ATXN10: variants seen among roughly 807,000 people sequenced by gnomAD.
The protein encoded by ATXN10 is ataxin-10.
Under a neutral mutation model 52.9 loss-of-function variants are expected in ATXN10, and 28 were observed. The observed-to-expected ratio is 0.53, with a 90% confidence interval of 0.39 to 0.73. ATXN10 has a LOEUF of 0.73. Among genes scored for constraint, ATXN10 ranks in the 30% least tolerant of loss-of-function variants. ATXN10 has a pLI of 0.00. For missense variants in ATXN10, 565 were observed against 577.0 expected (o/e 0.98, Z 0.21); for synonymous variants, 226 against 221.5 (o/e 1.02, Z -0.18).
chr22:45,765,995 A>G (rs138204), intron 9 of ATXN10, among the ~76,000 whole-genome samples: 98,509 of 152,116 alleles, frequency 0.65, 32,091 homozygotes, highest in East Asian at 0.75. Context: ...TCCACTGTTC[A>G]AAACAACCTG....
At chr22:45,773,195 A>G (rs967182723) in intron 9 of ATXN10, among the ~76,000 whole-genome samples, 1 of 152,212 alleles carries the variant, frequency 6.6e-6, no homozygotes, top group Non-Finnish European at 1.5e-5. Context: ...CTTGTGTCGT[A>G]TGGGCTTGCT....
chr22:45,735,599 T>C (rs756517440), intron 7 of ATXN10, among the ~76,000 whole-genome samples: 3 of 152,102 alleles, frequency 2.0e-5, no homozygotes, highest in Non-Finnish European at 4.4e-5. Context: ...ATCAACAAAG[T>C]AGTTGCAGTC....
intron 3 of ATXN10, among the ~76,000 whole-genome samples, chr22:45,698,101 G>A (rs1192139854): frequency 3.3e-5 from 5 of 152,172 alleles, no homozygotes. Flanking sequence ...GAGTCATGCT[G>A]TTGTGAACAT....
Position 45,828,719 on chromosome 22 carries a change from A to G in ATXN10, c.1238-14272A>G, listed in dbSNP as rs1256337301. On this transcript the variant is annotated intron_variant, in intron 10 of 11. Transcript: ENST00000252934. The surrounding 1 kb of genome is among the most constrained non-coding windows in gnomAD (Gnocchi z 4.5). ...GATAGACCTAGTTATAGTAAGTACT[A>G]TAGTAAGTACTATAAGTTACTAGTT... Among the ~76,000 whole-genome samples the G allele has an allele frequency of 2.0e-5, 3 of 152,362 alleles. No homozygotes were observed. The highest frequency in any genetic ancestry group is 7.2e-5 in the African/African-American group (3 of 41,592).
intron 6 of ATXN10, among the ~76,000 whole-genome samples, chr22:45,726,679 T>C (rs992756744): frequency 6.6e-6 from 1 of 152,218 alleles, no homozygotes; most frequent in African/African-American, 2.4e-5. Context: ...TTTCTTTTGC[T>C]AGCTTTGGGT....
chr22:45,825,049 C>T lies in ATXN10; in HGVS notation c.1238-17942C>T, dbSNP rs140450531. 1.3e-5 allele frequency among the ~76,000 whole-genome samples: 2 copies of T among 152,342 alleles called. No individual in the cohort carries two copies. The highest frequency in any genetic ancestry group is 2.9e-5 in the Non-Finnish European group (2 of 68,028). ...AGTAGCAGCTATTCCTCCTCCATCC[C>T]CAGTCCTATGGCAGACAGCTGCTGT... On this transcript the variant is annotated intron_variant, in intron 10 of 11. Transcript: ENST00000252934. The surrounding 1 kb of genome is among the most constrained non-coding windows in gnomAD (Gnocchi z 4.5).
chr22:45,817,118 C>T (rs747953283), intron 10 of ATXN10, among the ~76,000 whole-genome samples: 2 of 152,138 alleles, frequency 1.3e-5, no homozygotes, highest in Non-Finnish European at 2.9e-5. Context: ...TTGTTTGATG[C>T]AGTGAATGAC....
intron 7 of ATXN10, among the ~76,000 whole-genome samples, chr22:45,735,812 C>CTTTTTTTTT (rs746222703): frequency 9.0e-4 from 59 of 65,798 alleles, no homozygotes; most frequent in East Asian, 4.0e-3. Context: ...ATTTGCTTGT[C>CTTTTTTTTT]TTTTTTTTTT....
chr22:45,749,494 C>A (rs1715099376), intron 9 of ATXN10, among the ~76,000 whole-genome samples: 1 of 152,202 alleles, frequency 6.6e-6, no homozygotes, highest in Non-Finnish European at 1.5e-5. Flanking sequence ...ACAATTCTTA[C>A]TGAACTTTTT....
rs1380095234 is a variant in ATXN10 at position 45,672,189 on chromosome 22, C to T, written c.116+10C>T. ...AAGAGCAGCGGAACCGGTAACGGGT[C>T]CGGCCGGGGGGCTGCCCCGGGCAGG... is the stretch of plus-strand genomic sequence containing the variant. On this transcript the variant is annotated intron_variant, in intron 1 of 11. Transcript: ENST00000252934. 2 of 1,527,740 alleles carry T rather than the reference C, an allele frequency of 1.3e-6. No individual in the cohort carries two copies. The highest frequency in any genetic ancestry group is 8.8e-7 in the Non-Finnish European group (1 of 1,140,084). The allele number at this position is 1,527,740 out of a possible 1,614,324, so 94.6% of individuals were successfully genotyped here. A position where few individuals can be genotyped will look rare whatever the true frequency, so the allele number is the denominator to read the frequency against.
At chr22:45,707,205 C>T (rs1924077074) in intron 5 of ATXN10, among the ~76,000 whole-genome samples, 1 of 152,004 alleles carries the variant, frequency 6.6e-6, no homozygotes, top group African/African-American at 2.4e-5. Context: ...GTGATTAGGC[C>T]ACAGATTTTC....
In ATXN10 at chr22:45,833,336, G is replaced by T. The variant is rs190705977; in HGVS notation, c.1238-9655G>T. Among the ~76,000 whole-genome samples the T allele has an allele frequency of 2.0e-5, 3 of 152,316 alleles. No homozygotes were observed. The highest frequency in any genetic ancestry group is 2.9e-5 in the Non-Finnish European group (2 of 68,020). On this transcript the variant is annotated intron_variant, in intron 10 of 11. Coordinates refer to ENST00000252934, the MANE Select transcript of ATXN10 (RefSeq NM_013236.4). This position sits in a 1 kb window ranked among gnomAD's most constrained non-coding sequence, Gnocchi z 4.3. Reference sequence around the variant, plus strand: ...ATGGCCATGGTAACTAATGCCATTGGAGCAAGTGCTACCAGATGCCCAGAC... The same window carrying T: ...ATGGCCATGGTAACTAATGCCATTGTAGCAAGTGCTACCAGATGCCCAGAC...
intron 10 of ATXN10, among the ~76,000 whole-genome samples, chr22:45,815,412 G>A (rs888045279): frequency 1.6e-4 from 24 of 152,180 alleles, no homozygotes; most frequent in Non-Finnish European, 2.6e-4. Context: ...GGAAGTACAC[G>A]TGAAAGAACT....
chr22:45,672,033 C>A lies in ATXN10; in HGVS notation c.-31C>A. The A allele has an allele frequency of 6.5e-7, 1 of 1,531,500 alleles. No individual in the cohort carries two copies. Among genetic ancestry groups the A allele is most frequent in the African/African-American group, 1.4e-5 (1 of 72,718 alleles). The allele number at this position is 1,531,500 out of a possible 1,614,324, so 94.9% of individuals were successfully genotyped here. On this transcript the variant is annotated 5_prime_UTR_variant, in exon 1 of 12. Transcript: ENST00000252934. ...TCGTCCTCCTCGCCTTCCTCCTCCT[C>A]GTCAGGCTCGACCCAGCTGTGAGCG...
In ATXN10 at chr22:45,816,093, CA is replaced by C. The variant is rs557765207; in HGVS notation, c.1237+9081del. ...GGTGAAACTGTCTCTCCTAAAAATACAAAAAAAAAATTCGCTAGGCGTGGTG... is the reference window on the plus strand; with the variant it reads ...GGTGAAACTGTCTCTCCTAAAAATACAAAAAAAAATTCGCTAGGCGTGGTG... On this transcript the variant is annotated intron_variant, in intron 10 of 11. Coordinates refer to ENST00000252934, the MANE Select transcript of ATXN10 (RefSeq NM_013236.4). The surrounding 1 kb of genome is among the most constrained non-coding windows in gnomAD (Gnocchi z 5.8). 3.4e-5 allele frequency among the ~76,000 whole-genome samples: 5 copies of C among 148,124 alleles called. No individual in the cohort carries two copies. Among genetic ancestry groups the C allele is most frequent in the South Asian group, 2.1e-4 (1 of 4,656 alleles).
chr22:45,772,647 G>A lies in ATXN10; in HGVS notation c.1173+32109G>A, dbSNP rs577822380. The stretch of plus-strand genomic sequence containing the variant: ...TTAAATATACAGCTCTCTTTGGGGG[G>A]AATCAATGTCTTACTGTGTTGAGTC... On this transcript the variant is annotated intron_variant, in intron 9 of 11. Transcript: ENST00000252934. The surrounding 1 kb of genome is among the most constrained non-coding windows in gnomAD (Gnocchi z 4.1). Among the ~76,000 whole-genome samples the A allele has an allele frequency of 6.6e-6, 1 of 152,290 alleles. No homozygotes were observed. The highest frequency in any genetic ancestry group is 6.5e-5 in the Admixed American group (1 of 15,296).
chr22:45,679,415 T>G (rs1922828286), intron 1 of ATXN10: 1 of 152,258 alleles, frequency 6.6e-6, no homozygotes, highest in South Asian at 2.1e-4. Context: ...GTATTGTTAC[T>G]TGGTTGTATA....
chr22:45,756,527 T>C (rs1341986312), intron 9 of ATXN10, among the ~76,000 whole-genome samples: 2 of 152,168 alleles, frequency 1.3e-5, no homozygotes, highest in African/African-American at 4.8e-5. Context: ...TTAGAGGAAA[T>C]TGTGTACCAA....
intron 1 of ATXN10, among the ~76,000 whole-genome samples, chr22:45,685,987 G>A (rs1039139491): frequency 2.6e-5 from 4 of 152,164 alleles, no homozygotes; most frequent in African/African-American, 9.7e-5. Context: ...GGAGAAATTC[G>A]ATGTTTGCTT....
Sources: allele counts gnomAD v4.1 joint callset (sites outside exome capture counted in the v4.1 genomes callset), GRCh38; gene constraint gnomAD v4.1.1; non-coding constraint Gnocchi (gnomAD v3.1); transcripts MANE v1.5; gene names NCBI Gene and HGNC (gene_info 2026-07-23, HGNC 2026-07-21).